Variants in SGK3 observed in about 807,000 individuals in gnomAD.
SGK3 encodes serum/glucocorticoid regulated kinase family member 3, also known as serine/threonine-protein kinase Sgk3.
A neutral mutation model predicts 68.5 loss-of-function variants in SGK3; 47 were observed. The ratio of observed to expected loss-of-function variants is 0.69; its 90% CI spans 0.54 to 0.87. SGK3 has a LOEUF of 0.87. SGK3 is among the 40% of genes least tolerant of loss of function. The pLI is 0.00. For synonymous variants in SGK3, 181 were observed against 189.1 expected (o/e 0.96, Z 0.35); for missense variants, 479 against 575.5 (o/e 0.83, Z 1.72).
At chr8:66,720,951 C>G (rs1804778891) in intron 1 of SGK3, among the ~76,000 whole-genome samples, 1 of 151,738 alleles carries the variant, frequency 6.6e-6, no homozygotes, top group African/African-American at 2.4e-5. Flanking sequence ...GTCTCACAAA[C>G]AAAACAAACA....
chr8:66,835,985 G>A lies in SGK3; in HGVS notation c.652G>A (p.Val218Met). ...TGAACGTAATGTGCTCTTGAAAAAT[G>A]TGAAACATCCGTTTTTGGTTGGATT... Reference protein sequence around the residue: ...MAERNVLLKNVKHPFLVGLHY... With the variant: ...MAERNVLLKNMKHPFLVGLHY... The change falls in exon 10 of 17, where the codon GTG (valine) becomes ATG (methionine). Residue 218 changes from valine (V) to methionine (M), a missense_variant. Val to Met is a conservative substitution (Grantham distance 21). This residue lies in a region of SGK3 where 298 missense variants were observed against 329.4 expected (regional missense o/e 0.90). Transcript: ENST00000521198. The A allele has an allele frequency of 6.2e-7, 1 of 1,613,732 alleles. No individual in the cohort carries two copies. Among genetic ancestry groups the A allele is most frequent in the Non-Finnish European group, 8.5e-7 (1 of 1,179,872 alleles).
At chr8:66,756,643 G>A (rs539849025) in intron 1 of SGK3, among the ~76,000 whole-genome samples, 26 of 140,348 alleles carry the variant, frequency 1.9e-4, no homozygotes, top group Non-Finnish European at 3.4e-4. Context: ...GCAGTGGTGC[G>A]AATATAGCTC....
chr8:66,767,442 G>T (rs774695524), intron 1 of SGK3: 12 of 1,391,302 alleles, frequency 8.6e-6, no homozygotes, highest in African/African-American at 1.4e-5. Flanking sequence ...CAACATCCAG[G>T]GTCAACAGAA....
intron 7 of SGK3, among the ~76,000 whole-genome samples, chr8:66,830,661 C>G (rs1266789731): frequency 6.6e-6 from 1 of 152,196 alleles, no homozygotes; most frequent in Non-Finnish European, 1.5e-5. Context: ...TTGCTTTTCT[C>G]TTCCTGGTTT....
chr8:66,789,506 A>G (rs967497705), intron 1 of SGK3, among the ~76,000 whole-genome samples: 6 of 152,220 alleles, frequency 3.9e-5, no homozygotes, highest in African/African-American at 9.6e-5. Flanking sequence ...TAATTCTATT[A>G]CTAGGGAAAT....
chr8:66,780,837 A>G (rs1365066624), intron 1 of SGK3, among the ~76,000 whole-genome samples: 6 of 152,226 alleles, frequency 3.9e-5, no homozygotes, highest in Non-Finnish European at 8.8e-5. Flanking sequence ...ATTTACAGTG[A>G]TAAAAATAAA....
chr8:66,756,569 CTTTTTTTTTT>C (rs34499404), intron 1 of SGK3, among the ~76,000 whole-genome samples: 6 of 77,914 alleles, frequency 7.7e-5, no homozygotes, highest in South Asian at 4.3e-4. Flanking sequence ...CATGCATCTA[CTTTTTTTTTT>C]TTTTTTTTTT....
chr8:66,805,032 T>C (rs2130614263), intron 4 of SGK3, among the ~76,000 whole-genome samples: 1 of 152,202 alleles, frequency 6.6e-6, no homozygotes, highest in Admixed American at 6.5e-5. Context: ...TGAGCTGTCA[T>C]CATGCCATTG....
intron 1 of SGK3, among the ~76,000 whole-genome samples, chr8:66,752,845 C>T (rs898495063): frequency 2.6e-5 from 4 of 151,826 alleles, no homozygotes; most frequent in African/African-American, 9.7e-5. Flanking sequence ...AGTGGGAAGT[C>T]ACAGGTTTCT....
Position 66,861,405 on chromosome 8 carries a change from C to G in SGK3, c.*1824C>G, listed in dbSNP as rs1338959882. The G allele has an allele frequency of 6.6e-6, 1 of 151,994 alleles. No homozygotes were observed. The highest frequency in any genetic ancestry group is 1.5e-5 in the Non-Finnish European group (1 of 68,024). The allele number at this position is 151,994 out of a possible 1,614,324, so 9.4% of individuals were successfully genotyped here. The stretch of plus-strand genomic sequence containing the variant: ...GGAGGATCACTTGAGCCTATGAGTT[C>G]AAGACCAGCCTAGGCAATGTAGTGA... On this transcript the variant is annotated 3_prime_UTR_variant, in exon 17 of 17. Coordinates refer to ENST00000521198, the MANE Select transcript of SGK3 (RefSeq NM_001033578.3).
intron 16 of SGK3, among the ~76,000 whole-genome samples, chr8:66,858,204 G>A (rs1462672825): frequency 3.3e-5 from 5 of 152,250 alleles, no homozygotes; most frequent in East Asian, 3.9e-4. Context: ...GGTGGCTCAC[G>A]CCTGTAATTC....
chr8:66,718,879 C>T (rs752950672), intron 1 of SGK3, among the ~76,000 whole-genome samples: 2 of 152,058 alleles, frequency 1.3e-5, no homozygotes, highest in Non-Finnish European at 2.9e-5. Flanking sequence ...GAATCATATT[C>T]TTAGTTTTCC....
chr8:66,830,746 C>T (rs1046451088), intron 7 of SGK3, among the ~76,000 whole-genome samples: 1 of 152,154 alleles, frequency 6.6e-6, no homozygotes, highest in Non-Finnish European at 1.5e-5. Context: ...TTATATGAAA[C>T]ACTGTAATGA....
At chr8:66,747,093 A>G (rs1381834916) in intron 1 of SGK3, among the ~76,000 whole-genome samples, 1 of 151,814 alleles carries the variant, frequency 6.6e-6, no homozygotes, top group Non-Finnish European at 1.5e-5. Flanking sequence ...CCCCATGGTA[A>G]TTTTAGATTT....
intron 1 of SGK3, among the ~76,000 whole-genome samples, chr8:66,732,855 T>TA (rs113754626): frequency 0.1 from 15,067 of 149,294 alleles, 1,710 homozygotes; most frequent in African/African-American, 0.28. Flanking sequence ...TAAATTTTAT[T>TA]AAAAAAAAAA....
At chr8:66,833,696 T>A (rs1021595169) in intron 8 of SGK3, among the ~76,000 whole-genome samples, 5 of 152,236 alleles carry the variant, frequency 3.3e-5, no homozygotes, top group Admixed American at 3.3e-4. Context: ...GTATTCTGTT[T>A]AGAATTTTTT....
intron 1 of SGK3, among the ~76,000 whole-genome samples, chr8:66,741,791 TC>T (rs1269624958): frequency 6.6e-6 from 1 of 152,122 alleles, no homozygotes; most frequent in Non-Finnish European, 1.5e-5. Flanking sequence ...TTATTGAGTG[TC>T]CCCCAAGGGA....
intron 1 of SGK3, among the ~76,000 whole-genome samples, chr8:66,771,197 C>T (rs1039086516): frequency 8.0e-5 from 12 of 150,584 alleles, no homozygotes; most frequent in Non-Finnish European, 5.9e-5. Flanking sequence ...AGTCTATTAC[C>T]AATAGCCTCT....
At chr8:66,785,931 C>T (rs1807180981) in intron 1 of SGK3, among the ~76,000 whole-genome samples, 2 of 152,194 alleles carry the variant, frequency 1.3e-5, no homozygotes, top group Non-Finnish European at 2.9e-5. Context: ...GAAGGCAGAT[C>T]CTTTTCCTGT....
Sources: allele counts gnomAD v4.1 joint callset (sites outside exome capture counted in the v4.1 genomes callset), GRCh38; gene constraint gnomAD v4.1.1; regional missense constraint gnomAD v4.1.1; transcripts MANE v1.5; gene names NCBI Gene and HGNC (gene_info 2026-07-23, HGNC 2026-07-21).